Variants in DIP2C observed in about 807,000 individuals in gnomAD.
DIP2C encodes DIP2 acetate--CoA ligase C (putative), also known as disco-interacting protein 2 homolog C.
A neutral mutation model predicts 192.4 loss-of-function variants in DIP2C; 33 were observed. That is an observed-to-expected ratio of 0.17 (90% CI 0.13 to 0.23). DIP2C has a LOEUF of 0.23. DIP2C is among the 10% of genes least tolerant of loss of function. The pLI, the probability that DIP2C is intolerant of heterozygous loss-of-function variation, is 1.00. For synonymous variants in DIP2C, 979 were observed against 864.1 expected (o/e 1.13, Z -2.33); for missense variants, 1,537 against 2,110.1 (o/e 0.73, Z 5.32).
intron 2 of DIP2C, among the ~76,000 whole-genome samples, chr10:478,901 G>C (rs1843380225): frequency 6.6e-6 from 1 of 152,152 alleles, no homozygotes; most frequent in Non-Finnish European, 1.5e-5. Context: ...GGGAGGAAGA[G>C]AGGGGTAGGG....
chr10:568,317 G>A (rs1301738081), intron 1 of DIP2C, among the ~76,000 whole-genome samples: 1 of 152,178 alleles, frequency 6.6e-6, no homozygotes, highest in African/African-American at 2.4e-5. Flanking sequence ...TGAAGATACC[G>A]ACTCATGCGT....
At chr10:638,790 G>C (rs949031644) in intron 1 of DIP2C, among the ~76,000 whole-genome samples, 2 of 152,220 alleles carry the variant, frequency 1.3e-5, no homozygotes, top group Non-Finnish European at 2.9e-5. Context: ...AGTCTGCAGG[G>C]TGCACATATT....
At chr10:574,238 G>A (rs556977913) in intron 1 of DIP2C, among the ~76,000 whole-genome samples, 6 of 152,236 alleles carry the variant, frequency 3.9e-5, no homozygotes, top group East Asian at 1.9e-4. Context: ...CTAGGAAATT[G>A]GGCATTTCAC....
intron 2 of DIP2C, among the ~76,000 whole-genome samples, chr10:483,725 C>T (rs1381188187): frequency 3.3e-5 from 5 of 152,338 alleles, no homozygotes; most frequent in Non-Finnish European, 7.3e-5. Context: ...AGAGGAGGAA[C>T]GCAGTGGAGG....
intron 4 of DIP2C, among the ~76,000 whole-genome samples, chr10:426,442 T>C (rs1261168224): frequency 6.6e-6 from 1 of 152,238 alleles, no homozygotes; most frequent in African/African-American, 2.4e-5. Flanking sequence ...ACTGTTCCAT[T>C]AATTCAAGGC....
intron 8 of DIP2C, 123 bp downstream of exon 8, chr10:413,790 A>G: frequency 7.9e-7 from 1 of 1,259,380 alleles, no homozygotes; most frequent in Non-Finnish European, 1.1e-6. Flanking sequence ...GCGTGGGCAA[A>G]GGGCAGAGGG....
intron 13 of DIP2C, among the ~76,000 whole-genome samples, chr10:389,669 G>A (rs1963298768): frequency 6.6e-6 from 1 of 152,216 alleles, no homozygotes; most frequent in South Asian, 2.1e-4. Flanking sequence ...TGGGGTGGTA[G>A]GGATGGGTTC....
intron 32 of DIP2C, among the ~76,000 whole-genome samples, chr10:305,972 A>AATATATAT (rs35830495): frequency 0.011 from 1,615 of 146,294 alleles, 43 homozygotes; most frequent in African/African-American, 0.037. Flanking sequence ...AATGCAGACA[A>AATATATAT]ATATATATAT....
intron 19 of DIP2C, 118 bp from the exon 20 acceptor site, chr10:364,700 A>C: frequency 4.3e-6 from 5 of 1,168,562 alleles, no homozygotes; most frequent in Non-Finnish European, 6.1e-6. Flanking sequence ...CACCCCAGCA[A>C]CCCTGCCCTA....
At chr10:673,599 C>T (rs549952297) in intron 1 of DIP2C, among the ~76,000 whole-genome samples, 2 of 152,320 alleles carry the variant, frequency 1.3e-5, no homozygotes, top group South Asian at 4.1e-4. Context: ...GAAGACGGGG[C>T]CATCCAAGAA....
rs183830549 is a variant in DIP2C, at chr10:289,357, C to T, written c.3987-936G>A. On this transcript the variant is annotated intron_variant, in intron 32 of 36. Coordinates refer to ENST00000280886, the MANE Select transcript of DIP2C (RefSeq NM_014974.3). ...CAATCATGGCTCATCGCAGTCTGAC[C>T]GCCTGGCCTCAAGCAATCCTCCCAC... 6.6e-5 allele frequency among the ~76,000 whole-genome samples: 10 copies of T among 152,160 alleles called. No homozygotes were observed. The East Asian group carries it at 1.6e-3, about 24-fold the overall frequency.
intron 1 of DIP2C, among the ~76,000 whole-genome samples, chr10:572,892 A>C (rs1468840626): frequency 6.6e-6 from 1 of 152,196 alleles, no homozygotes; most frequent in Non-Finnish European, 1.5e-5. Flanking sequence ...CTCGCTAAAC[A>C]GGCAGCCGGA....
Position 277,592 on chromosome 10 carries a change from A to G in DIP2C, c.4419-15T>C, listed in dbSNP as rs757503036. On this transcript the variant is annotated splice_polypyrimidine_tract_variant and intron_variant, in intron 36 of 36. Transcript: ENST00000280886. The stretch of plus-strand genomic sequence containing the variant: ...TAAACACAGCACTAAAAGACAGAAA[A>G]GAAAGCCATCATTATATGTTTATTA... 10 of 1,612,118 alleles carry G rather than the reference A, an allele frequency of 6.2e-6. No homozygotes were observed. Among genetic ancestry groups the G allele is most frequent in the Middle Eastern group, 1.7e-4 (1 of 6,052 alleles).
chr10:283,154 T>C (rs550116138), intron 35 of DIP2C, 118 bp downstream of exon 35: 35 of 1,363,638 alleles, frequency 2.6e-5, no homozygotes, highest in Non-Finnish European at 3.4e-5. Context: ...GGGTTGTAGC[T>C]AGCACACGTG....
At chr10:583,016 A>AT (rs1373599740) in intron 1 of DIP2C, among the ~76,000 whole-genome samples, 4 of 152,250 alleles carry the variant, frequency 2.6e-5, no homozygotes, top group Non-Finnish European at 2.9e-5. Context: ...CACATAATAC[A>AT]TGGCGATTTA....
chr10:407,901 CTT>C (rs1964921301), intron 9 of DIP2C, among the ~76,000 whole-genome samples: 1 of 152,148 alleles, frequency 6.6e-6, no homozygotes, highest in African/African-American at 2.4e-5. Context: ...TGATAGTACT[CTT>C]TGATATACAA....
At chr10:534,850 G>C (rs1432003523) in intron 1 of DIP2C, among the ~76,000 whole-genome samples, 1 of 150,998 alleles carries the variant, frequency 6.6e-6, no homozygotes, top group Admixed American at 6.6e-5. Context: ...CTAATTTTTT[G>C]TATTTTTAGT....
chr10:605,809 G>C (rs1300674577), intron 1 of DIP2C, among the ~76,000 whole-genome samples: 1 of 152,212 alleles, frequency 6.6e-6, no homozygotes, highest in Non-Finnish European at 1.5e-5. Flanking sequence ...CAGAAGGCTG[G>C]GTAAGCCCAA....
intron 10 of DIP2C, among the ~76,000 whole-genome samples, chr10:394,360 G>A (rs990627806): frequency 1.3e-5 from 2 of 151,522 alleles, no homozygotes; most frequent in African/African-American, 4.9e-5. Flanking sequence ...GCACACAGTG[G>A]GTGCTATTCA....
Sources: gnomAD v4.1 joint callset for allele counts (sites outside exome capture counted in the v4.1 genomes callset) on GRCh38, gnomAD v4.1.1 for gene constraint, MANE v1.5 for transcripts, NCBI Gene and HGNC (gene_info 2026-07-23, HGNC 2026-07-21) for gene names.